Variants in LRRTM3 observed in about 807,000 individuals in gnomAD.
LRRTM3 encodes the protein leucine rich repeat transmembrane neuronal 3.
In LRRTM3, 24 loss-of-function variants were observed where a neutral mutation model predicts 44.7. The ratio of observed to expected loss-of-function variants is 0.54; its 90% CI spans 0.39 to 0.76. LRRTM3 has a LOEUF of 0.76. LRRTM3 is among the 30% of genes least tolerant of loss of function. The probability of loss-of-function intolerance (pLI) is 0.00; values close to 1 mark genes in which losing one functional copy is unlikely to be tolerated. For synonymous variants in LRRTM3, 277 were observed against 278.7 expected (o/e 0.99, Z 0.06); for missense variants, 587 against 702.2 (o/e 0.84, Z 1.85).
rs1030527546 is a variant in LRRTM3 at position 66,928,118 on chromosome 10, C to T, written c.1202C>T (p.Ala401Val). 6 of 1,613,978 alleles carry T rather than the reference C, an allele frequency of 3.7e-6. No individual in the cohort carries two copies. In the African/African-American group the frequency reaches 4.0e-5, roughly 11 times the overall value. ...SKPPLPPTVG[A>V]TEPGPETDAD... ...CCCCCTTTGCCCCCGACGGTGGGAG[C>T]CACAGAGCCCGGCCCAGAGACCGAT... is the stretch of plus-strand genomic sequence containing the variant. The change falls in exon 2 of 3, where the codon GCC becomes GTC. Residue 401 changes from alanine (A) to valine (V), a missense_variant. Coordinates refer to ENST00000361320, the MANE Select transcript of LRRTM3 (RefSeq NM_178011.5).
chr10:67,057,618 A>C (rs1221277903), intron 2 of LRRTM3, among the ~76,000 whole-genome samples: 4 of 152,144 alleles, frequency 2.6e-5, no homozygotes, highest in Non-Finnish European at 5.9e-5. Context: ...AAGACTGAGA[A>C]TACTGACCCA....
At chr10:66,930,051 T>G (rs1180673473) in intron 2 of LRRTM3, among the ~76,000 whole-genome samples, 1 of 151,758 alleles carries the variant, frequency 6.6e-6, no homozygotes, top group East Asian at 1.9e-4. Context: ...TGGCTATTTT[T>G]ACTAATTTTT....
At chr10:67,058,047 C>G (rs1321151196) in intron 2 of LRRTM3, among the ~76,000 whole-genome samples, 1 of 152,166 alleles carries the variant, frequency 6.6e-6, no homozygotes, top group Non-Finnish European at 1.5e-5. Context: ...AGTACAGTGT[C>G]CCCAAGACCT....
At chr10:67,093,317 C>A (rs7093905) in intron 2 of LRRTM3, among the ~76,000 whole-genome samples, 13 of 151,622 alleles carry the variant, frequency 8.6e-5, no homozygotes, top group Non-Finnish European at 5.9e-5. Context: ...TTTGGGTAAC[C>A]TTCAGGTAGG....
At chr10:67,081,597 C>T (rs1285763999) in intron 2 of LRRTM3, among the ~76,000 whole-genome samples, 1 of 152,142 alleles carries the variant, frequency 6.6e-6, no homozygotes, top group Non-Finnish European at 1.5e-5. Context: ...CATCATCTCT[C>T]GCCTACCATT....
In LRRTM3 at chr10:66,941,813, T is replaced by C. The variant is rs145651095; in HGVS notation, c.1536+13361T>C. ...CAAAAGCAAAAAATGACAAAAGAGG[T>C]TCTTATATCCAAGTTTTTATTATAT... On this transcript the variant is annotated intron_variant, in intron 2 of 2. Transcript: ENST00000361320. 6.6e-3 allele frequency among the ~76,000 whole-genome samples: 1,011 copies of C among 152,184 alleles called. 13 individuals are homozygous for C. The highest frequency in any genetic ancestry group is 0.023 in the African/African-American group (952 of 41,492).
In LRRTM3 at chr10:66,957,406, A is replaced by G. The variant is rs77504425; in HGVS notation, c.1536+28954A>G. On this transcript the variant is annotated intron_variant, in intron 2 of 2. Transcript: ENST00000361320. The stretch of plus-strand genomic sequence containing the variant: ...TGTATATATATACATATATATATAT[A>G]TATATATGCATATATATATATGCAT... 0.016 allele frequency among the ~76,000 whole-genome samples: 490 copies of G among 29,930 alleles called. 42 individuals are homozygous for G. The East Asian group carries it at 0.17, about 10-fold the overall frequency. The allele number at this position is 29,930 out of a possible 152,430, so 19.6% of individuals were successfully genotyped here. A position where few individuals can be genotyped will look rare whatever the true frequency, so the allele number is the denominator to read the frequency against.
At chr10:67,070,539 G>C (rs962703299) in intron 2 of LRRTM3, among the ~76,000 whole-genome samples, 1 of 152,082 alleles carries the variant, frequency 6.6e-6, no homozygotes, top group Non-Finnish European at 1.5e-5. Context: ...ACAAGGTCCG[G>C]AGATCGAGAC....
At chr10:66,942,934 T>A (rs1848087402) in intron 2 of LRRTM3, among the ~76,000 whole-genome samples, 1 of 152,206 alleles carries the variant, frequency 6.6e-6, no homozygotes, top group Admixed American at 6.5e-5. Context: ...AGAATTCCAA[T>A]GGGCACTTAA....
chr10:67,047,415 A>C (rs1206473939), intron 2 of LRRTM3, among the ~76,000 whole-genome samples: 3 of 152,172 alleles, frequency 2.0e-5, no homozygotes, highest in Non-Finnish European at 4.4e-5. Flanking sequence ...CAATGAAAGG[A>C]TAGTGCTAAG....
chr10:67,093,670 C>A (rs373531671), intron 2 of LRRTM3, among the ~76,000 whole-genome samples: 1 of 151,672 alleles, frequency 6.6e-6, no homozygotes, highest in South Asian at 2.1e-4. Flanking sequence ...AACTGAAACT[C>A]CCCCCCAACA....
chr10:67,009,994 G>A (rs1284542575), intron 2 of LRRTM3, among the ~76,000 whole-genome samples: 1 of 152,106 alleles, frequency 6.6e-6, no homozygotes, highest in East Asian at 1.9e-4. Flanking sequence ...TCAGCTACCT[G>A]TCCTGGAGGC....
chr10:67,089,698 T>G (rs940708277), intron 2 of LRRTM3, among the ~76,000 whole-genome samples: 5 of 147,826 alleles, frequency 3.4e-5, no homozygotes, highest in African/African-American at 1.3e-4. Context: ...AATCAGAGTA[T>G]ACATATGTGT....
intron 2 of LRRTM3, among the ~76,000 whole-genome samples, chr10:66,997,723 C>T (rs191243134): frequency 3.5e-4 from 54 of 152,184 alleles, no homozygotes; most frequent in African/African-American, 8.9e-4. Flanking sequence ...TACCTTATTC[C>T]GTCATAACAA....
chr10:67,025,195 A>G (rs1853291507), intron 2 of LRRTM3, among the ~76,000 whole-genome samples: 1 of 151,814 alleles, frequency 6.6e-6, no homozygotes, highest in Non-Finnish European at 1.5e-5. Flanking sequence ...AGAAACCACA[A>G]GAAATATTTT....
At chr10:67,056,895 G>T (rs1855465487) in intron 2 of LRRTM3, among the ~76,000 whole-genome samples, 1 of 152,166 alleles carries the variant, frequency 6.6e-6, no homozygotes, top group South Asian at 2.1e-4. Context: ...AGAGAGCAAG[G>T]ATTATGTGGT....
In LRRTM3 at chr10:66,996,162, G is replaced by T. The variant is rs201074428; in HGVS notation, c.1536+67710G>T. On this transcript the variant is annotated intron_variant, in intron 2 of 2. Coordinates refer to ENST00000361320, the MANE Select transcript of LRRTM3 (RefSeq NM_178011.5). ...CTTCATTGCACAAGTAGGTCTCAAAGCTCTGTTGATAAATGAAGTTTAATG... is the reference window on the plus strand; with the variant it reads ...CTTCATTGCACAAGTAGGTCTCAAATCTCTGTTGATAAATGAAGTTTAATG... 4.6e-5 allele frequency among the ~76,000 whole-genome samples: 7 copies of T among 152,240 alleles called. No homozygotes were observed. In the East Asian group the frequency reaches 1.4e-3, roughly 29 times the overall value.
intron 2 of LRRTM3, among the ~76,000 whole-genome samples, chr10:66,952,477 G>GTTT (rs1435366438): frequency 6.6e-6 from 1 of 152,054 alleles, no homozygotes; most frequent in East Asian, 1.9e-4. Context: ...ATGCCGTCTT[G>GTTT]TTTTTCATTT....
At chr10:66,990,803 T>G (rs1230108129) in intron 2 of LRRTM3, among the ~76,000 whole-genome samples, 1 of 152,200 alleles carries the variant, frequency 6.6e-6, no homozygotes, top group Non-Finnish European at 1.5e-5. Context: ...AAATCTGTCC[T>G]TTACCAATAC....
Sources: allele counts gnomAD v4.1 joint callset (sites outside exome capture counted in the v4.1 genomes callset), GRCh38; gene constraint gnomAD v4.1.1; transcripts MANE v1.5; gene names NCBI Gene and HGNC (gene_info 2026-07-23, HGNC 2026-07-21).